PLCXD2: variants seen among roughly 807,000 people sequenced by gnomAD.
The protein encoded by PLCXD2 is PI-PLC X domain-containing protein 2.
In PLCXD2, 21 loss-of-function variants were observed where a neutral mutation model predicts 28.6. The ratio of observed to expected loss-of-function variants is 0.73; its 90% CI spans 0.52 to 1.06. PLCXD2 has a LOEUF of 1.06. PLCXD2 is among the 50% of genes least tolerant of loss of function. The pLI, the probability that PLCXD2 is intolerant of heterozygous loss-of-function variation, is 0.00. For missense variants in PLCXD2, 369 were observed against 376.7 expected (o/e 0.98, Z 0.17); for synonymous variants, 140 against 150.1 (o/e 0.93, Z 0.49).
chr3:111,688,620 T>C (rs1322978969), intron 1 of PLCXD2, among the ~76,000 whole-genome samples: 1 of 152,214 alleles, frequency 6.6e-6, no homozygotes, highest in African/African-American at 2.4e-5. Context: ...CACATCCTTA[T>C]ACTTTCCCTT....
At chr3:111,695,433 G>A (rs1290989417) in intron 1 of PLCXD2, among the ~76,000 whole-genome samples, 1 of 152,136 alleles carries the variant, frequency 6.6e-6, no homozygotes, top group Non-Finnish European at 1.5e-5. Flanking sequence ...ACAATAACTA[G>A]TAATACAATA....
chr3:111,714,919 G>A (rs749367738), intron 3 of PLCXD2, among the ~76,000 whole-genome samples: 5 of 152,304 alleles, frequency 3.3e-5, no homozygotes, highest in Non-Finnish European at 5.9e-5. Flanking sequence ...AAGCTAATAC[G>A]TTTGGGTAGC....
chr3:111,716,756 A>T (rs1941272527), intron 3 of PLCXD2, among the ~76,000 whole-genome samples: 1 of 152,170 alleles, frequency 6.6e-6, no homozygotes, highest in African/African-American at 2.4e-5. Flanking sequence ...TTGAAGTCCC[A>T]ACTCTCAGTT....
chr3:111,704,118 ATACC>A (rs1457766043), intron 1 of PLCXD2, among the ~76,000 whole-genome samples: 2 of 152,246 alleles, frequency 1.3e-5, no homozygotes, highest in African/African-American at 2.4e-5. Flanking sequence ...TATATGTGAA[ATACC>A]TACGCTAAAA....
intron 1 of PLCXD2, among the ~76,000 whole-genome samples, chr3:111,699,093 G>A (rs1941005180): frequency 6.6e-6 from 1 of 152,178 alleles, no homozygotes; most frequent in African/African-American, 2.4e-5. Flanking sequence ...GAGGACCTAA[G>A]GGAGGTGAAG....
intron 1 of PLCXD2, among the ~76,000 whole-genome samples, chr3:111,694,010 C>T (rs769253330): frequency 1.1e-4 from 16 of 152,188 alleles, no homozygotes; most frequent in Non-Finnish European, 1.6e-4. Context: ...TTCAAGCTGT[C>T]GCTTTAAAAA....
intron 1 of PLCXD2, among the ~76,000 whole-genome samples, chr3:111,697,379 A>G (rs1045224845): frequency 6.6e-6 from 1 of 152,222 alleles, no homozygotes; most frequent in East Asian, 1.9e-4. Flanking sequence ...CGAGAGGCCT[A>G]AAAAGAAAAA....
At chr3:111,713,292 A>C (rs1388998245) in intron 2 of PLCXD2, among the ~76,000 whole-genome samples, 2 of 152,252 alleles carry the variant, frequency 1.3e-5, no homozygotes, top group Non-Finnish European at 2.9e-5. Context: ...ATTCATTTTT[A>C]CTAAAATTGA....
chr3:111,696,696 T>G (rs1269986423), intron 1 of PLCXD2, among the ~76,000 whole-genome samples: 2 of 152,218 alleles, frequency 1.3e-5, no homozygotes, highest in Non-Finnish European at 2.9e-5. Context: ...CTATTCGTTA[T>G]AGAAAATACA....
intron 1 of PLCXD2, among the ~76,000 whole-genome samples, chr3:111,694,505 A>G (rs1373306024): frequency 6.6e-6 from 1 of 151,936 alleles, no homozygotes; most frequent in African/African-American, 2.4e-5. Context: ...CCATTTCATA[A>G]GGAGTCACTG....
intron 2 of PLCXD2, among the ~76,000 whole-genome samples, chr3:111,708,687 T>C (rs1203635711): frequency 1.3e-5 from 2 of 151,268 alleles, no homozygotes; most frequent in Non-Finnish European, 3.0e-5. Context: ...GTCATTACTA[T>C]TCTCTGTTTC....
At position 111,726,163 on chromosome 3, in the gene PLCXD2, C is replaced by A. The variant is rs148840663; in HGVS notation, c.867-6456C>A. 4.0e-3 allele frequency: 1,253 copies of A among 312,244 alleles called. 10 individuals carry two copies. Among genetic ancestry groups the A allele is most frequent in the Middle Eastern group, 0.013 (15 of 1,120 alleles). 19.3% of individuals were successfully genotyped at this position (312,244 alleles called of 1,614,324 possible). A position where few individuals can be genotyped will look rare whatever the true frequency, so the allele number is the denominator to read the frequency against. On this transcript the variant is annotated intron_variant, in intron 3 of 4. Coordinates refer to ENST00000477665, the MANE Select transcript of PLCXD2 (RefSeq NM_001185106.1). ...ACAGCACTTTGAAAAGTCAAATAGG[C>A]CTTTGGTAGCTCTGTACATTTGCAG...
chr3:111,724,806 C>T (rs1941394438), intron 3 of PLCXD2: 1 of 152,216 alleles, frequency 6.6e-6, no homozygotes, highest in South Asian at 2.1e-4. Context: ...ATGATTGGAG[C>T]ACAGCCATGA....
chr3:111,708,267 G>A lies in PLCXD2; in HGVS notation c.505G>A (p.Asp169Asn). The A allele has an allele frequency of 6.2e-7, 1 of 1,614,110 alleles. No homozygotes were observed. Among genetic ancestry groups the A allele is most frequent in the Non-Finnish European group, 8.5e-7 (1 of 1,180,022 alleles). Residue 169 changes from aspartate to asparagine, a missense_variant, in exon 2 of 5, where the codon GAT (aspartate) becomes AAT (asparagine). Transcript: ENST00000477665. ...GGATTTCAACCACTTCTATGCCATG[G>A]ATGAGACCCATCACAAATGCCTGGT...
intron 3 of PLCXD2, among the ~76,000 whole-genome samples, chr3:111,715,123 C>G (rs1033387275): frequency 6.6e-6 from 1 of 152,148 alleles, no homozygotes; most frequent in Non-Finnish European, 1.5e-5. Context: ...TTGGTGAGAG[C>G]TCCTGATTAT....
intron 1 of PLCXD2, among the ~76,000 whole-genome samples, chr3:111,690,306 TGA>T (rs1181965341): frequency 1.3e-5 from 2 of 152,348 alleles, no homozygotes; most frequent in East Asian, 3.9e-4. Flanking sequence ...CTCTAATGCA[TGA>T]GCACCCATGA....
chr3:111,694,946 T>C (rs991139654), intron 1 of PLCXD2, among the ~76,000 whole-genome samples: 2 of 152,186 alleles, frequency 1.3e-5, no homozygotes, highest in Admixed American at 1.3e-4. Flanking sequence ...TTGTCAGCCA[T>C]TTGTAAAATG....
At chr3:111,700,459 C>A (rs1453961707) in intron 1 of PLCXD2, among the ~76,000 whole-genome samples, 3 of 152,072 alleles carry the variant, frequency 2.0e-5, no homozygotes, top group Admixed American at 2.0e-4. Flanking sequence ...ACTTGTATGT[C>A]CATATTTACT....
At chr3:111,726,177 G>A (rs751919902) in intron 3 of PLCXD2, 2 of 297,314 alleles carry the variant, frequency 6.7e-6, no homozygotes, top group African/African-American at 4.3e-5. Flanking sequence ...TGGTAGCTCT[G>A]TACATTTGCA....
Sources: gnomAD v4.1 joint callset for allele counts (sites outside exome capture counted in the v4.1 genomes callset) on GRCh38, gnomAD v4.1.1 for gene constraint, MANE v1.5 for transcripts, NCBI Gene and HGNC (gene_info 2026-07-23, HGNC 2026-07-21) for gene names.